The following RFX3 variants were observed in gnomAD, a reference collection of about 807,000 sequenced individuals.
RFX3 encodes regulatory factor X3, also known as transcription factor RFX3.
A neutral mutation model predicts 98.6 loss-of-function variants in RFX3; 14 were observed. The observed-to-expected ratio is 0.14, with a 90% CI of 0.09 to 0.22. RFX3 has a LOEUF of 0.22. Among genes scored for constraint, RFX3 ranks in the 10% least tolerant of loss-of-function variants. The probability of loss-of-function intolerance (pLI) is 1.00; values close to 1 mark genes in which losing one functional copy is unlikely to be tolerated. For missense variants in RFX3, 639 were observed against 926.9 expected, an observed-to-expected ratio of 0.69 and a Z score of 4.03; for synonymous variants, 383 against 328.4, an observed-to-expected ratio of 1.17 and a Z score of -1.80.
chr9:3,307,786 C>T (rs1030330885), intron 4 of RFX3, among the ~76,000 whole-genome samples: 1 of 152,198 alleles, frequency 6.6e-6, no homozygotes, highest in Non-Finnish European at 1.5e-5. Context: ...GTGCAAAGTA[C>T]TGTAATCACA....
chr9:3,456,915 G>C (rs377688745), intron 1 of RFX3, among the ~76,000 whole-genome samples: 1 of 151,942 alleles, frequency 6.6e-6, no homozygotes, highest in Non-Finnish European at 1.5e-5. Flanking sequence ...CTGGGAGGCT[G>C]AGGCGGGTGG....
intron 1 of RFX3, among the ~76,000 whole-genome samples, chr9:3,451,192 A>C (rs886934629): frequency 2.0e-5 from 3 of 152,230 alleles, no homozygotes; most frequent in Admixed American, 2.0e-4. Context: ...TTGAGCAATA[A>C]AACTGTAGTA....
intron 1 of RFX3, among the ~76,000 whole-genome samples, chr9:3,473,874 C>G (rs1848988681): frequency 6.6e-6 from 1 of 152,162 alleles, no homozygotes; most frequent in Non-Finnish European, 1.5e-5. Context: ...CTGCAAAATA[C>G]TGCTGTTGAA....
intron 1 of RFX3, among the ~76,000 whole-genome samples, chr9:3,519,951 G>T (rs929568689): frequency 2.0e-5 from 3 of 151,146 alleles, no homozygotes; most frequent in African/African-American, 7.3e-5. Context: ...AAAAAAAATT[G>T]AAATGTTTTA....
chr9:3,362,388 C>G lies in RFX3; in HGVS notation c.118-15624G>C, dbSNP rs77593790. ...TTTACATTATAAATTCACTCATTGC[C>G]CCTGTGGTAGATGACCCTATCACTT... On this transcript the variant is annotated intron_variant, in intron 2 of 16. Transcript: ENST00000617270. Among the ~76,000 whole-genome samples the G allele has an allele frequency of 2.9e-3, 447 of 152,148 alleles. 6 individuals are homozygous for G. The East Asian group carries it at 0.057, about 19-fold the overall frequency.
intron 16 of RFX3, among the ~76,000 whole-genome samples, chr9:3,227,921 C>CA (rs1181589206): frequency 5.9e-5 from 9 of 152,120 alleles, no homozygotes; most frequent in African/African-American, 2.2e-4. Context: ...ACAGACTCCC[C>CA]ACGTACTTCT....
chr9:3,485,694 C>T (rs753096142), intron 1 of RFX3, among the ~76,000 whole-genome samples: 1 of 152,102 alleles, frequency 6.6e-6, no homozygotes, highest in African/African-American at 2.4e-5. Context: ...CTCTGAAAAA[C>T]AATTTAAAAT....
chr9:3,483,493 G>C (rs1461029937), intron 1 of RFX3, among the ~76,000 whole-genome samples: 1 of 152,176 alleles, frequency 6.6e-6, no homozygotes, highest in Non-Finnish European at 1.5e-5. Context: ...TAATACAAAG[G>C]AGGGAAAAGA....
chr9:3,483,880 T>C (rs1354143712), intron 1 of RFX3, among the ~76,000 whole-genome samples: 6 of 152,192 alleles, frequency 3.9e-5, no homozygotes, highest in East Asian at 1.9e-4. Flanking sequence ...TGTCTTCTAG[T>C]ATAAACCTTC....
chr9:3,227,608 C>T (rs1032565342), intron 16 of RFX3, among the ~76,000 whole-genome samples: 1 of 152,166 alleles, frequency 6.6e-6, no homozygotes, highest in East Asian at 1.9e-4. Context: ...AGCAGTAAAA[C>T]TCTACTGTCC....
At chr9:3,250,668 A>C (rs1391440686) in intron 14 of RFX3, among the ~76,000 whole-genome samples, 1 of 152,160 alleles carries the variant, frequency 6.6e-6, no homozygotes, top group Non-Finnish European at 1.5e-5. Context: ...AGAAACTAGG[A>C]AAAGAAAGTA....
intron 14 of RFX3, among the ~76,000 whole-genome samples, chr9:3,256,428 C>T (rs1822159400): frequency 6.6e-6 from 1 of 150,532 alleles, no homozygotes; most frequent in Non-Finnish European, 1.5e-5. Context: ...ATAGATGGTT[C>T]TGGGTATGCA....
Position 3,330,461 on chromosome 9 carries a change from C to G in RFX3, c.272G>C (p.Gly91Ala), listed in dbSNP as rs756853682. 45 of 1,613,844 alleles carry G rather than the reference C, an allele frequency of 2.8e-5. No homozygotes were observed. The highest frequency in any genetic ancestry group is 3.4e-5 in the Non-Finnish European group (40 of 1,179,936). The change falls in exon 4 of 17, where the codon GGG (glycine) becomes GCG (alanine). Residue 91 changes from glycine (G) to alanine (A), a missense_variant. Coordinates refer to ENST00000617270, the MANE Select transcript of RFX3 (RefSeq NM_001282116.2). ...ACTCCCTTGAGTATCAAAGTAATTC[C>G]CTCCAGTATTTTGGCTGTACATCTG... ...ETQMYSQNTGGNYFDTQGSSA... is the reference protein window; with the variant it reads ...ETQMYSQNTGANYFDTQGSSA...
chr9:3,270,884 T>C (rs910218251), intron 10 of RFX3, 119 bp downstream of exon 10: 8 of 1,423,250 alleles, frequency 5.6e-6, no homozygotes, highest in African/African-American at 1.4e-5. Context: ...GGCCAAAACA[T>C]CAATCTATTC....
intron 2 of RFX3, among the ~76,000 whole-genome samples, chr9:3,392,772 T>G (rs1471450539): frequency 1.3e-5 from 2 of 152,116 alleles, no homozygotes; most frequent in Non-Finnish European, 1.5e-5. Context: ...GAAATCAGAT[T>G]GGTGTTTGGC....
chr9:3,508,629 T>C (rs1817351173), intron 1 of RFX3, among the ~76,000 whole-genome samples: 1 of 151,946 alleles, frequency 6.6e-6, no homozygotes, highest in South Asian at 2.1e-4. Flanking sequence ...TTGTTGAAGG[T>C]GAGGCTAAAT....
intron 2 of RFX3, among the ~76,000 whole-genome samples, chr9:3,385,245 T>C (rs1181991214): frequency 1.3e-5 from 2 of 152,226 alleles, no homozygotes; most frequent in Admixed American, 6.5e-5. Flanking sequence ...TAAAACATTT[T>C]ATAGGACACA....
chr9:3,476,215 T>A (rs1849240610), intron 1 of RFX3, among the ~76,000 whole-genome samples: 1 of 151,194 alleles, frequency 6.6e-6, no homozygotes, highest in African/African-American at 2.4e-5. Context: ...TATTCATATA[T>A]AATCATGTCT....
At chr9:3,277,297 C>G (rs1392473243) in intron 8 of RFX3, 43 bp downstream of exon 8, 5 of 1,596,528 alleles carry the variant, frequency 3.1e-6, no homozygotes, top group Non-Finnish European at 4.3e-6. Flanking sequence ...ACTAACTTTT[C>G]AAAATCCTAG....
Sources: gnomAD v4.1 joint callset for allele counts (sites outside exome capture counted in the v4.1 genomes callset) on GRCh38, gnomAD v4.1.1 for gene constraint, MANE v1.5 for transcripts, NCBI Gene and HGNC (gene_info 2026-07-23, HGNC 2026-07-21) for gene names.